The following SOX6 variants were observed in gnomAD, a reference collection of about 807,000 sequenced individuals.
The protein encoded by SOX6 is SRY-box transcription factor 6, also known as transcription factor SOX-6.
A neutral mutation model predicts 97.8 loss-of-function variants in SOX6; 11 were observed. That is an observed-to-expected ratio of 0.11 (90% CI 0.07 to 0.19). SOX6 has a LOEUF of 0.19. SOX6 is among the 10% of genes least tolerant of loss of function. The pLI is 1.00. For synonymous variants in SOX6, 360 were observed against 371.4 expected (o/e 0.97, Z 0.35); for missense variants, 810 against 1,039.5 (o/e 0.78, Z 3.04).
intron 3 of SOX6, among the ~76,000 whole-genome samples, chr11:16,241,692 C>A (rs1320267052): frequency 6.6e-6 from 1 of 151,884 alleles, no homozygotes; most frequent in African/African-American, 2.4e-5. Flanking sequence ...CAAATTCAAT[C>A]CAATCAGAAT....
chr11:16,533,475 A>T (rs1861263803), intron 4 of SOX6, among the ~76,000 whole-genome samples: 2 of 152,042 alleles, frequency 1.3e-5, no homozygotes, highest in Non-Finnish European at 2.9e-5. Flanking sequence ...GGTGGAAAAC[A>T]TGCTTGAAAG....
chr11:16,392,821 T>G (rs1214451051), intron 1 of SOX6, among the ~76,000 whole-genome samples: 1 of 152,108 alleles, frequency 6.6e-6, no homozygotes, highest in Non-Finnish European at 1.5e-5. Flanking sequence ...CTGGCCTTCA[T>G]GAACTTCATT....
intron 4 of SOX6, among the ~76,000 whole-genome samples, chr11:16,546,643 C>T (rs1489380154): frequency 6.6e-6 from 1 of 152,026 alleles, no homozygotes; most frequent in Non-Finnish European, 1.5e-5. Flanking sequence ...AATATAAGAC[C>T]TGAAGCTATA....
At chr11:16,283,511 T>A (rs531127507) in intron 3 of SOX6, among the ~76,000 whole-genome samples, 1 of 151,690 alleles carries the variant, frequency 6.6e-6, no homozygotes, top group Non-Finnish European at 1.5e-5. Context: ...ATAATTTTCT[T>A]TAAACCATAA....
At chr11:16,248,053 C>T (rs185528114) in intron 3 of SOX6, among the ~76,000 whole-genome samples, 28 of 152,240 alleles carry the variant, frequency 1.8e-4, no homozygotes, top group Middle Eastern at 3.4e-3. Flanking sequence ...ACAGGCCCCA[C>T]GCAAGTCTGA....
chr11:16,473,394 T>C (rs1252949813), intron 1 of SOX6, among the ~76,000 whole-genome samples: 1 of 152,170 alleles, frequency 6.6e-6, no homozygotes, highest in Non-Finnish European at 1.5e-5. Flanking sequence ...ATACCTCAAT[T>C]AAAAATACTT....
chr11:16,088,483 T>G (rs1456542347), intron 9 of SOX6, among the ~76,000 whole-genome samples: 2 of 152,206 alleles, frequency 1.3e-5, no homozygotes, highest in Non-Finnish European at 2.9e-5. Context: ...CCTAAATCCC[T>G]GGCACCCACT....
At chr11:16,488,850 G>A (rs1426085298) in intron 4 of SOX6, among the ~76,000 whole-genome samples, 2 of 152,102 alleles carry the variant, frequency 1.3e-5, no homozygotes, top group Admixed American at 6.5e-5. Context: ...TAGCCTCAGA[G>A]GTTGCCTCAC....
chr11:16,592,168 G>T (rs751362559), intron 4 of SOX6, among the ~76,000 whole-genome samples: 14 of 151,648 alleles, frequency 9.2e-5, no homozygotes, highest in Non-Finnish European at 1.8e-4. Flanking sequence ...TTTGCTAAGG[G>T]CGTGCTCTAT....
intron 2 of SOX6, among the ~76,000 whole-genome samples, chr11:16,731,333 T>C (rs1307216010): frequency 1.3e-5 from 2 of 152,194 alleles, no homozygotes; most frequent in South Asian, 2.1e-4. Flanking sequence ...TGAACATCTA[T>C]GTGAAAATCC....
chr11:16,529,218 T>C lies in SOX6; in HGVS notation n.610-52830A>G, dbSNP rs959982797. On this transcript the variant is annotated intron_variant and non_coding_transcript_variant, in intron 4 of 5. Transcript: ENST00000524520. ...AATACATTATTATGCCAGCAGAAAATTGTCTAACCATCAGGTAAATAATAA... is the reference window on the plus strand; with the variant it reads ...AATACATTATTATGCCAGCAGAAAACTGTCTAACCATCAGGTAAATAATAA... Among the ~76,000 whole-genome samples the C allele has an allele frequency of 4.6e-5, 7 of 152,148 alleles. No homozygotes were observed. The East Asian group carries it at 1.4e-3, about 29-fold the overall frequency.
chr11:16,452,156 A>C (rs934348531), intron 1 of SOX6, among the ~76,000 whole-genome samples: 3 of 152,114 alleles, frequency 2.0e-5, no homozygotes, highest in African/African-American at 7.2e-5. Context: ...TAAATTTATC[A>C]TTTTCCTCTT....
intron 6 of SOX6, among the ~76,000 whole-genome samples, chr11:16,141,128 C>A (rs1302448852): frequency 6.6e-6 from 1 of 151,700 alleles, no homozygotes; most frequent in East Asian, 1.9e-4. Context: ...AAAAAAAAAT[C>A]TCTTCATGCT....
At chr11:16,439,079 G>A (rs892664540) in intron 1 of SOX6, among the ~76,000 whole-genome samples, 17 of 152,064 alleles carry the variant, frequency 1.1e-4, no homozygotes, top group African/African-American at 3.6e-4. Context: ...TCTAAATTTC[G>A]CAGTAGCCTC....
At chr11:16,416,774 A>G (rs1858934625) in intron 1 of SOX6, among the ~76,000 whole-genome samples, 1 of 152,220 alleles carries the variant, frequency 6.6e-6, no homozygotes, top group South Asian at 2.1e-4. Context: ...ACAAGAAACC[A>G]GAGGTATTTT....
chr11:16,147,504 TAA>T (rs965450976), intron 6 of SOX6, among the ~76,000 whole-genome samples: 2 of 150,784 alleles, frequency 1.3e-5, no homozygotes, highest in Admixed American at 6.6e-5. Flanking sequence ...AGTATAATAA[TAA>T]AAAAAAATAA....
At chr11:16,402,624 T>C (rs1590189097) in intron 1 of SOX6, 2 of 1,589,288 alleles carry the variant, frequency 1.3e-6, no homozygotes, top group Non-Finnish European at 1.7e-6. Flanking sequence ...GAAGTTACCC[T>C]TTCATTTTTT....
chr11:16,018,893 A>G (rs1854964604), intron 12 of SOX6, among the ~76,000 whole-genome samples: 1 of 152,168 alleles, frequency 6.6e-6, no homozygotes, highest in African/African-American at 2.4e-5. Flanking sequence ...TAGATCAGGC[A>G]GCAGGAAGAC....
intron 1 of SOX6, among the ~76,000 whole-genome samples, chr11:16,370,781 T>G (rs1857477161): frequency 6.6e-6 from 1 of 152,086 alleles, no homozygotes; most frequent in Admixed American, 6.6e-5. Context: ...CTTTCTATCA[T>G]CCAACAAATC....
Sources: allele counts gnomAD v4.1 joint callset (sites outside exome capture counted in the v4.1 genomes callset), GRCh38; gene constraint gnomAD v4.1.1; transcripts MANE v1.5; gene names NCBI Gene and HGNC (gene_info 2026-07-23, HGNC 2026-07-21).